MANSC1: variants seen among roughly 807,000 people sequenced by gnomAD.
MANSC1 encodes MANSC domain-containing protein 1.
In MANSC1, 13 loss-of-function variants were observed where a neutral mutation model predicts 14.1. That is an observed-to-expected ratio of 0.92 (90% CI 0.60 to 1.46). The LOEUF (loss-of-function observed/expected upper bound fraction) is 1.46. MANSC1 is among the 40% of genes most tolerant of loss of function. MANSC1 has a pLI of 0.00. For synonymous variants in MANSC1, 227 were observed against 200.7 expected, an observed-to-expected ratio of 1.13 and a Z score of -1.11; for missense variants, 486 against 511.4, an observed-to-expected ratio of 0.95 and a Z score of 0.48.
chr12:12,341,899 G>C (rs948414830), intron 2 of MANSC1, among the ~76,000 whole-genome samples: 1 of 152,250 alleles, frequency 6.6e-6, no homozygotes, highest in Admixed American at 6.5e-5. Context: ...GGCTGAGGCA[G>C]GAGAATCACT....
chr12:12,327,071 A>T lies in MANSC1; in HGVS notation c.*2956T>A, dbSNP rs186981639. Reference sequence around the variant, plus strand: ...GTGATCCACCCACCTTGGACTCCCAAAGTGCTGGGATTACAGGCGTGAGCC... The same window carrying T: ...GTGATCCACCCACCTTGGACTCCCATAGTGCTGGGATTACAGGCGTGAGCC... On this transcript the variant is annotated 3_prime_UTR_variant, in exon 4 of 4. Coordinates refer to ENST00000535902, the MANE Select transcript of MANSC1 (RefSeq NM_018050.4). The T allele has an allele frequency of 2.3e-3, 351 of 152,516 alleles. 1 individual carries two copies. The highest frequency in any genetic ancestry group is 6.8e-3 in the Middle Eastern group (2 of 296). The allele number at this position is 152,516 out of a possible 1,614,324, so 9.4% of individuals were successfully genotyped here.
intron 2 of MANSC1, 192 bp from the exon 3 acceptor site, chr12:12,338,752 G>A: frequency 1.6e-6 from 1 of 606,620 alleles, no homozygotes; most frequent in Non-Finnish European, 2.8e-6. Flanking sequence ...AAAACATTGG[G>A]TTTAGCTTTT....
chr12:12,347,116 T>A (rs1424889694), intron 1 of MANSC1, among the ~76,000 whole-genome samples: 1 of 152,174 alleles, frequency 6.6e-6, no homozygotes, highest in Non-Finnish European at 1.5e-5. Flanking sequence ...TTCAAGTGCA[T>A]TGTATTTATT....
At position 12,344,950 on chromosome 12, in the gene MANSC1, T is replaced by C. The variant is rs1459964808; in HGVS notation, c.-100-1536A>G. Among the ~76,000 whole-genome samples the C allele has an allele frequency of 1.9e-4, 19 of 101,140 alleles. 2 individuals carry two copies. The highest frequency in any genetic ancestry group is 4.5e-4 in the African/African-American group (12 of 26,800). 66.4% of individuals were successfully genotyped at this position (101,140 alleles called of 152,430 possible). ...ATATATATATATATATATATATATA[T>C]ATATATATATATATATATTACACTA... On this transcript the variant is annotated intron_variant, in intron 1 of 3. Coordinates refer to ENST00000535902, the MANE Select transcript of MANSC1 (RefSeq NM_018050.4).
intron 2 of MANSC1, among the ~76,000 whole-genome samples, chr12:12,341,962 G>A (rs527826600): frequency 8.3e-5 from 10 of 121,162 alleles, no homozygotes; most frequent in Non-Finnish European, 1.1e-4. Flanking sequence ...ACTGCGCTCC[G>A]TCCGGCCTGG....
At chr12:12,341,933 A>C (rs574259044) in intron 2 of MANSC1, among the ~76,000 whole-genome samples, 1 of 152,296 alleles carries the variant, frequency 6.6e-6, no homozygotes, top group South Asian at 2.1e-4. Context: ...CAGAGAATGC[A>C]GTGAGCCAAG....
At position 12,327,734 on chromosome 12, in the gene MANSC1, G is replaced by T. The variant is rs950746989; in HGVS notation, c.*2293C>A. Reference sequence around the variant, plus strand: ...GTTTTATTTATTCAGCCTACTTAAAGCTTATGTAAACCCCTTGGAGATTTG... The same window carrying T: ...GTTTTATTTATTCAGCCTACTTAAATCTTATGTAAACCCCTTGGAGATTTG... On this transcript the variant is annotated 3_prime_UTR_variant, in exon 4 of 4. Transcript: ENST00000535902. 6.6e-6 allele frequency: 1 copy of T among 152,170 alleles called. No individual in the cohort carries two copies. Among genetic ancestry groups the T allele is most frequent in the Non-Finnish European group, 1.5e-5 (1 of 68,026 alleles). 9.4% of individuals were successfully genotyped at this position (152,170 alleles called of 1,614,324 possible). A position where few individuals can be genotyped will look rare whatever the true frequency, so the allele number is the denominator to read the frequency against.
chr12:12,345,519 G>C (rs1592037776), intron 1 of MANSC1, among the ~76,000 whole-genome samples: 1 of 152,030 alleles, frequency 6.6e-6, no homozygotes, highest in Non-Finnish European at 1.5e-5. Context: ...TTTTCTTTTT[G>C]ACAGCCTTAA....
chr12:12,334,530 C>T (rs1171159172), intron 3 of MANSC1, among the ~76,000 whole-genome samples: 1 of 152,138 alleles, frequency 6.6e-6, no homozygotes, highest in African/African-American at 2.4e-5. Context: ...GTTGGTGCCA[C>T]GTTGCCCCTA....
chr12:12,336,990 G>T (rs1862866232), intron 3 of MANSC1, among the ~76,000 whole-genome samples: 1 of 152,192 alleles, frequency 6.6e-6, no homozygotes, highest in Admixed American at 6.5e-5. Context: ...AAAAATTGAA[G>T]CTGGGTGTAG....
intron 3 of MANSC1, among the ~76,000 whole-genome samples, chr12:12,332,347 C>G (rs1322308560): frequency 6.6e-6 from 1 of 152,112 alleles, no homozygotes; most frequent in Non-Finnish European, 1.5e-5. Flanking sequence ...GGATTCATGC[C>G]ATCTCGTGAC....
chr12:12,338,563 G>A lies in MANSC1; in HGVS notation c.224-3C>T. 1 of 1,608,988 alleles carries A rather than the reference G, an allele frequency of 6.2e-7. No homozygotes were observed. Among genetic ancestry groups the A allele is most frequent in the Non-Finnish European group, 8.5e-7 (1 of 1,178,770 alleles). ...CATCAAGTTACATGCTTTGTCCCCT[G>A]CAATGAAAGGTTTCATAAGCATGAT... On this transcript the variant is annotated splice_polypyrimidine_tract_variant and splice_region_variant and intron_variant, in intron 2 of 3. Transcript: ENST00000535902.
intron 2 of MANSC1, among the ~76,000 whole-genome samples, chr12:12,341,098 C>T (rs187496322): frequency 6.6e-6 from 1 of 152,248 alleles, no homozygotes; most frequent in Non-Finnish European, 1.5e-5. Flanking sequence ...AGACTGCCCT[C>T]ATTTCAGAAG....
intron 2 of MANSC1, chr12:12,338,893 A>ACC: frequency 4.0e-6 from 1 of 248,160 alleles, no homozygotes; most frequent in Non-Finnish European, 7.7e-6. Flanking sequence ...ACACACAAAC[A>ACC]CACACACACA....
rs1410243350 is a variant in MANSC1 at position 12,328,992 on chromosome 12, A to ACACACC, written c.*1034_*1035insGGTGTG. ...GACAGAGCAAGACTCTGTCACACAC[A>ACACACC]CACACACACACACACACACACACAC... On this transcript the variant is annotated 3_prime_UTR_variant, in exon 4 of 4. Coordinates refer to ENST00000535902, the MANE Select transcript of MANSC1 (RefSeq NM_018050.4). 1 of 142,022 alleles carries ACACACC rather than the reference A, an allele frequency of 7.0e-6. No individual in the cohort carries two copies. Among genetic ancestry groups the ACACACC allele is most frequent in the Non-Finnish European group, 1.5e-5 (1 of 68,432 alleles). 8.8% of individuals were successfully genotyped at this position (142,022 alleles called of 1,614,324 possible).
chr12:12,349,110 A>G (rs1863045203), intron 1 of MANSC1, among the ~76,000 whole-genome samples: 1 of 152,252 alleles, frequency 6.6e-6, no homozygotes, highest in Non-Finnish European at 1.5e-5. Context: ...GCTACTGCTA[A>G]TACTACTGTG....
chr12:12,341,688 C>A (rs934878209), intron 2 of MANSC1, among the ~76,000 whole-genome samples: 2 of 152,140 alleles, frequency 1.3e-5, no homozygotes, highest in African/African-American at 4.8e-5. Context: ...TGCAGTGGTT[C>A]GATCAAAGCT....
chr12:12,342,446 A>G (rs1426464966), intron 2 of MANSC1, among the ~76,000 whole-genome samples: 1 of 152,202 alleles, frequency 6.6e-6, no homozygotes. Flanking sequence ...AAATACTTAA[A>G]TCCTAAAATA....
chr12:12,345,412 A>G (rs1862998351), intron 1 of MANSC1, among the ~76,000 whole-genome samples: 2 of 152,164 alleles, frequency 1.3e-5, no homozygotes, highest in African/African-American at 4.8e-5. Flanking sequence ...AAGAAGTATC[A>G]AATCAGAGTT....
Sources: gnomAD v4.1 joint callset for allele counts (sites outside exome capture counted in the v4.1 genomes callset) on GRCh38, gnomAD v4.1.1 for gene constraint, MANE v1.5 for transcripts, NCBI Gene and HGNC (gene_info 2026-07-23, HGNC 2026-07-21) for gene names.